The following GRID1 variants were observed in gnomAD, a reference collection of about 807,000 sequenced individuals.
GRID1 encodes glutamate ionotropic receptor delta type subunit 1, also known as glutamate receptor ionotropic, delta-1.
In GRID1, 28 loss-of-function variants were observed where a neutral mutation model predicts 98.0. The observed-to-expected ratio is 0.29, with a 90% CI of 0.21 to 0.39. GRID1 has a LOEUF of 0.39. Ranked by LOEUF, GRID1 falls within the 10% of genes least tolerant of loss-of-function variation. The pLI is 1.00. For missense variants in GRID1, 1,111 were observed against 1,340.5 expected (o/e 0.83, Z 2.67); for synonymous variants, 553 against 538.5 (o/e 1.03, Z -0.37).
At chr10:85,938,892 G>T (rs1020846909) in intron 4 of GRID1, among the ~76,000 whole-genome samples, 3 of 152,164 alleles carry the variant, frequency 2.0e-5, no homozygotes, top group Non-Finnish European at 2.9e-5. Flanking sequence ...TCACATGAAA[G>T]TATATTAAGT....
chr10:86,203,712 C>G (rs1433232740), intron 3 of GRID1, among the ~76,000 whole-genome samples: 2 of 151,782 alleles, frequency 1.3e-5, no homozygotes, highest in African/African-American at 4.8e-5. Context: ...GCGCCATGAG[C>G]ACACCACTCT....
chr10:85,995,130 C>T (rs945734115), intron 4 of GRID1, among the ~76,000 whole-genome samples: 2 of 152,138 alleles, frequency 1.3e-5, no homozygotes, highest in Non-Finnish European at 2.9e-5. Flanking sequence ...GAAAATAATG[C>T]TACAGCCATA....
At chr10:86,243,227 C>T (rs529164022) in intron 2 of GRID1, among the ~76,000 whole-genome samples, 23 of 152,312 alleles carry the variant, frequency 1.5e-4, no homozygotes, top group Admixed American at 9.1e-4. Context: ...TGCCAGTAGG[C>T]AGTACCACCA....
chr10:85,977,301 A>G (rs773433691), intron 4 of GRID1, among the ~76,000 whole-genome samples: 2 of 152,186 alleles, frequency 1.3e-5, no homozygotes, highest in Non-Finnish European at 1.5e-5. Flanking sequence ...TGGAGGTAGC[A>G]CAGAATCTGT....
intron 2 of GRID1, among the ~76,000 whole-genome samples, chr10:86,265,598 A>G (rs1275223421): frequency 6.6e-6 from 1 of 152,176 alleles, no homozygotes; most frequent in Non-Finnish European, 1.5e-5. Flanking sequence ...TCACCCCATG[A>G]GTAAAATCAG....
At chr10:86,018,135 G>A (rs1409009901) in intron 4 of GRID1, among the ~76,000 whole-genome samples, 1 of 152,202 alleles carries the variant, frequency 6.6e-6, no homozygotes. Flanking sequence ...CATCCAACAG[G>A]GCAGTCTGCT....
chr10:85,859,145 CT>C (rs1236493184), intron 6 of GRID1, among the ~76,000 whole-genome samples: 1 of 152,200 alleles, frequency 6.6e-6, no homozygotes, highest in African/African-American at 2.4e-5. Flanking sequence ...ATGTTGCCAG[CT>C]CATGAATGTG....
At chr10:86,311,488 C>A (rs1243248949) in intron 2 of GRID1, among the ~76,000 whole-genome samples, 1 of 152,194 alleles carries the variant, frequency 6.6e-6, no homozygotes, top group African/African-American at 2.4e-5. Context: ...GAGGGAGTTA[C>A]TGGTTCCCAT....
At chr10:85,857,275 G>C (rs1273253673) in intron 6 of GRID1, among the ~76,000 whole-genome samples, 1 of 152,210 alleles carries the variant, frequency 6.6e-6, no homozygotes, top group Non-Finnish European at 1.5e-5. Context: ...TGGAGGGCAA[G>C]GCCATGACTG....
At chr10:85,926,026 C>T (rs946285403) in intron 4 of GRID1, among the ~76,000 whole-genome samples, 2 of 152,112 alleles carry the variant, frequency 1.3e-5, no homozygotes, top group African/African-American at 4.8e-5. Flanking sequence ...TTCTTTTTTA[C>T]GAGCCTGACT....
chr10:85,615,040 A>G (rs1393938561), intron 14 of GRID1, among the ~76,000 whole-genome samples: 2 of 152,218 alleles, frequency 1.3e-5, no homozygotes, highest in Non-Finnish European at 2.9e-5. Context: ...GTTTATAGCC[A>G]GGAAAAATTC....
intron 2 of GRID1, among the ~76,000 whole-genome samples, chr10:86,354,852 T>G (rs1290325221): frequency 2.6e-5 from 4 of 152,176 alleles, no homozygotes; most frequent in African/African-American, 9.7e-5. Flanking sequence ...TACAGATGGC[T>G]CCGAGCAGCC....
At chr10:86,188,474 T>C (rs1274481366) in intron 3 of GRID1, among the ~76,000 whole-genome samples, 1 of 152,152 alleles carries the variant, frequency 6.6e-6, no homozygotes, top group African/African-American at 2.4e-5. Flanking sequence ...CCCATCCCCC[T>C]GCCAGCCCGC....
intron 4 of GRID1, among the ~76,000 whole-genome samples, chr10:85,982,820 C>T (rs1311504620): frequency 5.3e-5 from 8 of 152,152 alleles, no homozygotes; most frequent in Admixed American, 2.6e-4. Context: ...CCCTAAGTGG[C>T]TATTGTCACT....
chr10:85,775,086 T>A (rs372798249), intron 8 of GRID1, among the ~76,000 whole-genome samples: 11 of 152,062 alleles, frequency 7.2e-5, no homozygotes, highest in Admixed American at 2.6e-4. Flanking sequence ...CAAATGTCCA[T>A]CAATGATAGA....
chr10:86,309,728 G>T (rs1160331687), intron 2 of GRID1, among the ~76,000 whole-genome samples: 2 of 152,182 alleles, frequency 1.3e-5, no homozygotes, highest in Non-Finnish European at 2.9e-5. Context: ...ACCATCTAAG[G>T]AACGTCCAAT....
intron 8 of GRID1, among the ~76,000 whole-genome samples, chr10:85,740,288 T>A (rs932351470): frequency 6.6e-6 from 1 of 152,178 alleles, no homozygotes; most frequent in African/African-American, 2.4e-5. Context: ...GTGTTGCAAG[T>A]TCCATCAGAT....
At chr10:85,665,078 T>C (rs1412220369) in intron 12 of GRID1, among the ~76,000 whole-genome samples, 1 of 152,182 alleles carries the variant, frequency 6.6e-6, no homozygotes, top group African/African-American at 2.4e-5. Flanking sequence ...GAACTATTAT[T>C]ATTAGTGCTA....
At chr10:86,246,305 G>A (rs953353726) in intron 2 of GRID1, among the ~76,000 whole-genome samples, 10 of 152,198 alleles carry the variant, frequency 6.6e-5, no homozygotes, top group Admixed American at 4.6e-4. Flanking sequence ...GTGAAGCCAC[G>A]GCCCACCTGG....
Sources: allele counts gnomAD v4.1 joint callset (sites outside exome capture counted in the v4.1 genomes callset), GRCh38; gene constraint gnomAD v4.1.1; transcripts MANE v1.5; gene names NCBI Gene and HGNC (gene_info 2026-07-23, HGNC 2026-07-21).